The following CTNND2 variants were observed in gnomAD, a reference collection of about 807,000 sequenced individuals.
CTNND2 encodes the protein catenin delta-2.
Under a neutral mutation model 144.4 loss-of-function variants are expected in CTNND2, and 22 were observed. The observed-to-expected ratio is 0.15, with a 90% CI of 0.11 to 0.22. The LOEUF (loss-of-function observed/expected upper bound fraction) is 0.22. Among genes scored for constraint, CTNND2 ranks in the 10% least tolerant of loss-of-function variants. The probability of loss-of-function intolerance (pLI) is 1.00; values close to 1 mark genes in which losing one functional copy is unlikely to be tolerated. For missense variants in CTNND2, 1,353 were observed against 1,618.8 expected (o/e 0.84, Z 2.82); for synonymous variants, 751 against 695.6 (o/e 1.08, Z -1.25).
At chr5:11,409,258 T>G (rs1317986251) in intron 5 of CTNND2, among the ~76,000 whole-genome samples, 1 of 152,042 alleles carries the variant, frequency 6.6e-6, no homozygotes, top group East Asian at 1.9e-4. Context: ...ACTTTTAGTG[T>G]TGGTAGATTT....
intron 3 of CTNND2, among the ~76,000 whole-genome samples, chr5:11,442,768 G>A (rs1764373192): frequency 6.8e-6 from 1 of 147,442 alleles, no homozygotes; most frequent in Admixed American, 6.8e-5. Flanking sequence ...CATTTTATGA[G>A]ATTGCAATCA....
chr5:11,042,868 T>G (rs545601369), intron 16 of CTNND2, among the ~76,000 whole-genome samples: 159 of 152,314 alleles, frequency 1.0e-3, no homozygotes, highest in Non-Finnish European at 1.9e-3. Flanking sequence ...CCTAATTTCA[T>G]GCCAGGTGCC....
chr5:11,171,281 C>G (rs1308689966), intron 11 of CTNND2, among the ~76,000 whole-genome samples: 8 of 152,136 alleles, frequency 5.3e-5, no homozygotes, highest in Non-Finnish European at 1.0e-4. Context: ...CTCCCATGGA[C>G]AGGTAATGAA....
At chr5:11,123,228 A>AG (rs1207155108) in intron 12 of CTNND2, among the ~76,000 whole-genome samples, 2 of 151,960 alleles carry the variant, frequency 1.3e-5, no homozygotes, top group African/African-American at 2.4e-5. Flanking sequence ...GTTAGGAGGT[A>AG]GGGGGGAGCA....
chr5:11,712,554 T>C (rs1447419727), intron 2 of CTNND2, among the ~76,000 whole-genome samples: 4 of 152,176 alleles, frequency 2.6e-5, no homozygotes, highest in Admixed American at 2.0e-4. Context: ...AATAATTTTA[T>C]AAAGACAATT....
rs1261631566 is a variant in CTNND2 at position 10,984,167 on chromosome 5, T to C, written c.3344-2321A>G. ...TATACTGTTTACCTTATGTACTGTC[T>C]GCCTTCCTCTTCCAGAGCAGAAGGC... On this transcript the variant is annotated intron_variant, in intron 20 of 21. Transcript: ENST00000304623. Among the ~76,000 whole-genome samples the C allele has an allele frequency of 2.0e-5, 3 of 152,162 alleles. 1 individual carries two copies. Among genetic ancestry groups the C allele is most frequent in the Admixed American group, 1.3e-4 (2 of 15,276 alleles).
chr5:11,574,515 A>G (rs1347771648), intron 2 of CTNND2, among the ~76,000 whole-genome samples: 1 of 152,162 alleles, frequency 6.6e-6, no homozygotes, highest in East Asian at 1.9e-4. Flanking sequence ...TAATAGCACA[A>G]ATTTCTTTAA....
intron 21 of CTNND2, among the ~76,000 whole-genome samples, chr5:10,975,801 G>C (rs1736392811): frequency 6.6e-6 from 1 of 152,190 alleles, no homozygotes; most frequent in East Asian, 1.9e-4. Flanking sequence ...ACATCTTCAG[G>C]AGGAGTCACT....
At chr5:11,736,989 G>A (rs1787716895) in intron 1 of CTNND2, among the ~76,000 whole-genome samples, 1 of 151,958 alleles carries the variant, frequency 6.6e-6, no homozygotes, top group South Asian at 2.1e-4. Context: ...TGAATACTCA[G>A]TATTCAATAA....
At chr5:11,597,814 T>C (rs867252599) in intron 2 of CTNND2, among the ~76,000 whole-genome samples, 14 of 152,096 alleles carry the variant, frequency 9.2e-5, no homozygotes, top group African/African-American at 1.7e-4. Context: ...CTCAAGTGAT[T>C]CGTCTGCTCC....
chr5:11,064,935 C>A (rs1240482560), intron 16 of CTNND2, among the ~76,000 whole-genome samples: 2 of 152,192 alleles, frequency 1.3e-5, no homozygotes, highest in Non-Finnish European at 2.9e-5. Flanking sequence ...CGCTCAGCTT[C>A]CTTCAAGCCA....
chr5:11,443,277 G>C (rs201743894), intron 3 of CTNND2, among the ~76,000 whole-genome samples: 1 of 80,162 alleles, frequency 1.2e-5, no homozygotes, highest in Admixed American at 1.2e-4. Flanking sequence ...TGTGTGGTAT[G>C]TGTGCATGTG....
intron 1 of CTNND2, among the ~76,000 whole-genome samples, chr5:11,868,958 C>G (rs1795901523): frequency 6.6e-6 from 1 of 152,092 alleles, no homozygotes; most frequent in Admixed American, 6.6e-5. Flanking sequence ...CGAACACAGA[C>G]AAGACAAAGA....
At chr5:11,031,012 TGA>T (rs1743412413) in intron 16 of CTNND2, among the ~76,000 whole-genome samples, 1 of 152,208 alleles carries the variant, frequency 6.6e-6, no homozygotes, top group Admixed American at 6.5e-5. Flanking sequence ...TTTCTGAGCA[TGA>T]GAGTTTCCCT....
intron 2 of CTNND2, among the ~76,000 whole-genome samples, chr5:11,589,316 A>ACACACACG (rs1215796926): frequency 0.022 from 2,424 of 108,734 alleles, 38 homozygotes; most frequent in South Asian, 0.038. Flanking sequence ...CACACACGAC[A>ACACACACG]ACAACAACAA....
At chr5:11,729,839 C>T (rs1310680607) in intron 2 of CTNND2, among the ~76,000 whole-genome samples, 1 of 152,110 alleles carries the variant, frequency 6.6e-6, no homozygotes, top group Non-Finnish European at 1.5e-5. Flanking sequence ...TAACTCTTAC[C>T]TAGCATACAA....
At chr5:11,725,511 G>T (rs1386479106) in intron 2 of CTNND2, among the ~76,000 whole-genome samples, 1 of 151,924 alleles carries the variant, frequency 6.6e-6, no homozygotes, top group Non-Finnish European at 1.5e-5. Context: ...GCAAAACCTT[G>T]GTCATAGAAA....
chr5:11,822,721 A>G (rs3924181), intron 1 of CTNND2, among the ~76,000 whole-genome samples: 13,636 of 152,120 alleles, frequency 0.09, 1,470 homozygotes, highest in African/African-American at 0.26. Context: ...AATGAAGGAG[A>G]CCTCTGACCA....
chr5:11,433,200 C>A (rs533077473), intron 3 of CTNND2, among the ~76,000 whole-genome samples: 90 of 152,130 alleles, frequency 5.9e-4, no homozygotes, highest in African/African-American at 2.1e-3. Context: ...GAGCCCAGAT[C>A]ACGCCACTGC....
Sources: gnomAD v4.1 joint callset for allele counts (sites outside exome capture counted in the v4.1 genomes callset) on GRCh38, gnomAD v4.1.1 for gene constraint, MANE v1.5 for transcripts, NCBI Gene and HGNC (gene_info 2026-07-23, HGNC 2026-07-21) for gene names.